PTPRN2: variants seen among roughly 807,000 people sequenced by gnomAD.
PTPRN2 encodes the protein protein tyrosine phosphatase receptor type N2.
PTPRN2 carries 74 observed loss-of-function variants against 118.8 expected under a neutral mutation model. The ratio of observed to expected loss-of-function variants is 0.62; its 90% CI spans 0.52 to 0.76. The LOEUF (loss-of-function observed/expected upper bound fraction) is 0.76. Ranked by LOEUF, PTPRN2 falls within the 30% of genes least tolerant of loss-of-function variation. The pLI is 0.00. For missense variants in PTPRN2, 1,481 were observed against 1,394.4 expected, an observed-to-expected ratio of 1.06 and a Z score of -0.99; for synonymous variants, 641 against 608.0, an observed-to-expected ratio of 1.05 and a Z score of -0.80.
chr7:157,940,589 C>T (rs1008362813), intron 11 of PTPRN2, among the ~76,000 whole-genome samples: 12 of 151,144 alleles, frequency 7.9e-5, no homozygotes, highest in African/African-American at 2.9e-4. Context: ...CTAACACCCT[C>T]CCCAGTGACA....
chr7:158,031,850 C>T (rs1183957659), intron 11 of PTPRN2, among the ~76,000 whole-genome samples: 1 of 152,216 alleles, frequency 6.6e-6, no homozygotes, highest in Non-Finnish European at 1.5e-5. Context: ...TTACAGCAGC[C>T]TCAGGAAGAT....
intron 12 of PTPRN2, among the ~76,000 whole-genome samples, chr7:157,875,748 C>T (rs1795722348): frequency 1.3e-5 from 2 of 151,124 alleles, no homozygotes; most frequent in African/African-American, 4.9e-5. Flanking sequence ...CACGGGGCTG[C>T]AGAGGGTCAG....
intron 11 of PTPRN2, among the ~76,000 whole-genome samples, chr7:157,899,590 G>C (rs367865202): frequency 6.6e-6 from 1 of 152,180 alleles, no homozygotes; most frequent in Admixed American, 6.5e-5. Context: ...ATTAATACAG[G>C]ATGAGATAGC....
intron 2 of PTPRN2, among the ~76,000 whole-genome samples, chr7:158,354,572 G>C (rs1041281144): frequency 6.6e-5 from 10 of 152,174 alleles, no homozygotes; most frequent in Non-Finnish European, 1.3e-4. Context: ...TTCATGACAA[G>C]CTCCCAACAG....
chr7:157,856,188 C>T (rs1396490332), intron 12 of PTPRN2: 1 of 152,240 alleles, frequency 6.6e-6, no homozygotes, highest in Non-Finnish European at 1.5e-5. Context: ...CCCATGGAAA[C>T]ATTTCATTTG....
At chr7:157,946,044 C>A (rs1207064208) in intron 11 of PTPRN2, among the ~76,000 whole-genome samples, 4 of 152,192 alleles carry the variant, frequency 2.6e-5, no homozygotes, top group Non-Finnish European at 5.9e-5. Flanking sequence ...GATTCCTAAT[C>A]TGGCCCTTGA....
intron 2 of PTPRN2, among the ~76,000 whole-genome samples, chr7:158,447,213 C>A (rs1817783964): frequency 6.6e-6 from 1 of 152,082 alleles, no homozygotes; most frequent in Admixed American, 6.5e-5. Context: ...CTCCTAGCTC[C>A]CCAGACAACA....
chr7:157,598,656 T>C lies in PTPRN2; in HGVS notation c.2419-3341A>G, dbSNP rs529559901. On this transcript the variant is annotated intron_variant, in intron 16 of 22. Coordinates refer to ENST00000389418, the MANE Select transcript of PTPRN2 (RefSeq NM_002847.5). This position sits in a 1 kb window ranked among gnomAD's most constrained non-coding sequence, Gnocchi z 5.2. ...TATGTGTGTGTCCTGGTGTTGGTCA[T>C]CCCGAAACTGTCCGTGAAAACCTGT... 6.6e-6 allele frequency among the ~76,000 whole-genome samples: 1 copy of C among 152,326 alleles called. No individual in the cohort carries two copies. Among genetic ancestry groups the C allele is most frequent in the African/African-American group, 2.4e-5 (1 of 41,570 alleles).
At chr7:158,065,363 T>A (rs1253676516) in intron 11 of PTPRN2, among the ~76,000 whole-genome samples, 1 of 152,240 alleles carries the variant, frequency 6.6e-6, no homozygotes, top group Admixed American at 6.5e-5. Context: ...GGGAGTCCTG[T>A]AAGGTCTACC....
In PTPRN2 at chr7:157,629,705, A is replaced by G. The variant is rs574763142; in HGVS notation, c.2197-8196T>C. ...GGAGACTTCTTCCCACTGTAGAACA[A>G]GGCGTGTTAAAGAAAGCTGGGCTTT... is the stretch of plus-strand genomic sequence containing the variant. On this transcript the variant is annotated intron_variant, in intron 14 of 22. Coordinates refer to ENST00000389418, the MANE Select transcript of PTPRN2 (RefSeq NM_002847.5). The surrounding 1 kb of genome is among the most constrained non-coding windows in gnomAD (Gnocchi z 4.4). 6.6e-6 allele frequency among the ~76,000 whole-genome samples: 1 copy of G among 152,320 alleles called. No individual in the cohort carries two copies. The highest frequency in any genetic ancestry group is 2.1e-4 in the South Asian group (1 of 4,824).
rs375314941 is a variant in PTPRN2, at chr7:157,622,162, G to A, written c.2197-653C>T. 4.6e-5 allele frequency among the ~76,000 whole-genome samples: 7 copies of A among 151,972 alleles called. No individual in the cohort carries two copies. Among genetic ancestry groups the A allele is most frequent in the South Asian group, 4.1e-4 (2 of 4,824 alleles). ...CACTCGGTTCTTATTCATCTGTACC[G>A]TTGAGAACAAGCCCTGATTTTAAGA... On this transcript the variant is annotated intron_variant, in intron 14 of 22. Coordinates refer to ENST00000389418, the MANE Select transcript of PTPRN2 (RefSeq NM_002847.5). The surrounding 1 kb of genome is among the most constrained non-coding windows in gnomAD (Gnocchi z 5.3).
At chr7:158,184,749 G>A (rs754939519) in intron 5 of PTPRN2, among the ~76,000 whole-genome samples, 3 of 152,050 alleles carry the variant, frequency 2.0e-5, no homozygotes, top group African/African-American at 7.3e-5. Flanking sequence ...GAGGCAGAGG[G>A]TTGCAGTGAG....
chr7:157,719,137 C>A (rs896401719), intron 12 of PTPRN2, among the ~76,000 whole-genome samples: 2 of 152,194 alleles, frequency 1.3e-5, no homozygotes, highest in Non-Finnish European at 2.9e-5. Context: ...ATTCCTGCCT[C>A]TCCTGAGCAG....
At position 158,105,404 on chromosome 7, in the gene PTPRN2, G is replaced by A. The variant is rs76275413; in HGVS notation, c.1643+5425C>T. Among the ~76,000 whole-genome samples the A allele has an allele frequency of 7.4e-3, 954 of 128,854 alleles. 10 individuals carry two copies. Among genetic ancestry groups the A allele is most frequent in the African/African-American group, 0.025 (844 of 33,512 alleles). 84.5% of individuals were successfully genotyped at this position (128,854 alleles called of 152,430 possible). On this transcript the variant is annotated intron_variant, in intron 10 of 22. Transcript: ENST00000389418. ...CTCCATCCCAACTGTGCTCAGCTCC[G>A]TCAAACTCCATCCCAGCTCCATCCC...
intron 2 of PTPRN2, among the ~76,000 whole-genome samples, chr7:158,484,983 C>A (rs974015391): frequency 6.6e-6 from 1 of 152,130 alleles, no homozygotes; most frequent in Admixed American, 6.5e-5. Flanking sequence ...GAGCCACGAG[C>A]GCAAGGGCAC....
chr7:158,005,589 C>G (rs1000306541), intron 11 of PTPRN2, among the ~76,000 whole-genome samples: 5 of 152,184 alleles, frequency 3.3e-5, no homozygotes, highest in Non-Finnish European at 7.3e-5. Flanking sequence ...TTAGCTGCAG[C>G]GTTTTGCTGT....
At chr7:157,608,565 T>C (rs975507386) in intron 15 of PTPRN2, among the ~76,000 whole-genome samples, 3 of 152,154 alleles carry the variant, frequency 2.0e-5, no homozygotes, top group African/African-American at 7.2e-5. Context: ...TTACTTTTTA[T>C]GAGATGTTTT....
At chr7:157,996,266 C>T (rs1280888314) in intron 11 of PTPRN2, among the ~76,000 whole-genome samples, 1 of 152,188 alleles carries the variant, frequency 6.6e-6, no homozygotes, top group Non-Finnish European at 1.5e-5. Context: ...ACAATGGACG[C>T]TGCAGACCCG....
At chr7:157,830,590 C>T (rs1276742355) in intron 12 of PTPRN2, among the ~76,000 whole-genome samples, 6 of 151,986 alleles carry the variant, frequency 3.9e-5, no homozygotes, top group Admixed American at 2.0e-4. Context: ...CCACAGCTGC[C>T]GGAGGCACAC....
Sources: gnomAD v4.1 joint callset for allele counts (sites outside exome capture counted in the v4.1 genomes callset) on GRCh38, gnomAD v4.1.1 for gene constraint, Gnocchi (gnomAD v3.1) non-coding constraint, MANE v1.5 for transcripts, NCBI Gene and HGNC (gene_info 2026-07-23, HGNC 2026-07-21) for gene names.